DBX2: variants seen among roughly 807,000 people sequenced by gnomAD.
DBX2 encodes homeobox protein DBX2.
In DBX2, 16 loss-of-function variants were observed where a neutral mutation model predicts 17.7. That is an observed-to-expected ratio of 0.90 (90% CI 0.61 to 1.37). The LOEUF (loss-of-function observed/expected upper bound fraction) is 1.37, where lower values mean the gene tolerates loss of function less well. Ranked by LOEUF, DBX2 falls within the 40% of genes most tolerant of loss-of-function variation. The pLI is 0.00. For synonymous variants in DBX2, 255 were observed against 183.8 expected (o/e 1.39, Z -3.13); for missense variants, 538 against 433.8 (o/e 1.24, Z -2.13).
chr12:45,020,001 A>G (rs1271886534), intron 3 of DBX2, among the ~76,000 whole-genome samples: 1 of 152,212 alleles, frequency 6.6e-6, no homozygotes, highest in Admixed American at 6.5e-5. Context: ...TTCTATTTAC[A>G]TAAATTACTG....
intron 1 of DBX2, among the ~76,000 whole-genome samples, chr12:45,042,169 A>G (rs1183195820): frequency 6.6e-6 from 1 of 152,192 alleles, no homozygotes; most frequent in Non-Finnish European, 1.5e-5. Context: ...AAAAGAACAT[A>G]AAACAACACC....
chr12:45,049,925 A>G (rs1256326778), intron 1 of DBX2, among the ~76,000 whole-genome samples: 1 of 152,148 alleles, frequency 6.6e-6, no homozygotes, highest in Non-Finnish European at 1.5e-5. Context: ...GCTCAGCACA[A>G]ATAAAAAGTC....
In DBX2 at chr12:45,051,097, G is replaced by C; in HGVS notation, c.-170C>G. The C allele has an allele frequency of 2.8e-6, 2 of 717,538 alleles. No homozygotes were observed. The highest frequency in any genetic ancestry group is 3.9e-6 in the Non-Finnish European group (2 of 510,538). The allele number at this position is 717,538 out of a possible 1,614,324, so 44.4% of individuals were successfully genotyped here. On this transcript the variant is annotated 5_prime_UTR_variant, in exon 1 of 4. It adds an upstream start codon to the 5' untranslated region. Transcript: ENST00000332700. The stretch of plus-strand genomic sequence containing the variant: ...CCCGGGACGGCGGCGGACTTGGAAC[G>C]ATATTATTTATTTGCGTTGGGCGTT...
chr12:45,046,004 A>G (rs193001013), intron 1 of DBX2, among the ~76,000 whole-genome samples: 1 of 152,178 alleles, frequency 6.6e-6, no homozygotes, highest in Non-Finnish European at 1.5e-5. Flanking sequence ...TGCCTGCTCC[A>G]TGTACTCCTG....
intron 2 of DBX2, among the ~76,000 whole-genome samples, chr12:45,026,662 G>A (rs1356453799): frequency 6.6e-6 from 1 of 152,132 alleles, no homozygotes; most frequent in Non-Finnish European, 1.5e-5. Flanking sequence ...TTTTCTATTT[G>A]TCTAAAAGAT....
chr12:45,042,890 C>T (rs1404224279), intron 1 of DBX2, among the ~76,000 whole-genome samples: 1 of 152,154 alleles, frequency 6.6e-6, no homozygotes, highest in Admixed American at 6.6e-5. Flanking sequence ...GTTAGTTCAC[C>T]ATGACCATCA....
chr12:45,038,763 G>T (rs1371011819), intron 1 of DBX2, among the ~76,000 whole-genome samples: 1 of 151,822 alleles, frequency 6.6e-6, no homozygotes, highest in Non-Finnish European at 1.5e-5. Flanking sequence ...TAAATTCTTA[G>T]TGATAAATGT....
chr12:45,027,392 A>G (rs946408204), intron 2 of DBX2, among the ~76,000 whole-genome samples: 1 of 152,240 alleles, frequency 6.6e-6, no homozygotes, highest in Non-Finnish European at 1.5e-5. Flanking sequence ...CTGAATTCAA[A>G]TTAGTGGCTC....
intron 1 of DBX2, among the ~76,000 whole-genome samples, chr12:45,043,610 A>G (rs898952540): frequency 1.3e-5 from 2 of 152,204 alleles, no homozygotes; most frequent in South Asian, 4.1e-4. Flanking sequence ...TTGGACATCC[A>G]GCTCAGTCAA....
At chr12:45,049,620 T>C (rs141233395) in intron 1 of DBX2, among the ~76,000 whole-genome samples, 116 of 149,164 alleles carry the variant, frequency 7.8e-4, no homozygotes, top group African/African-American at 2.7e-3. Flanking sequence ...GACAAACCCA[T>C]CGGGATTAAA....
At chr12:45,030,574 T>C (rs1946404187) in intron 2 of DBX2, among the ~76,000 whole-genome samples, 1 of 152,234 alleles carries the variant, frequency 6.6e-6, no homozygotes, top group Non-Finnish European at 1.5e-5. Context: ...CTTCTCTCTG[T>C]TTCCTGTTCT....
At chr12:45,021,956 A>G (rs1946354530) in intron 3 of DBX2, among the ~76,000 whole-genome samples, 1 of 141,700 alleles carries the variant, frequency 7.1e-6, no homozygotes, top group Non-Finnish European at 1.5e-5. Context: ...GTATTTATCA[A>G]TACTCCCTGT....
chr12:45,015,813 T>C lies in DBX2; in HGVS notation c.*473A>G, dbSNP rs927112876. ...AAAATAGAGAATTTTTAAAAACATG[T>C]TTTTGGGGTATGAAAGTTTGCACTA... On this transcript the variant is annotated 3_prime_UTR_variant, in exon 4 of 4. Coordinates refer to ENST00000332700, the MANE Select transcript of DBX2 (RefSeq NM_001004329.3). 6.6e-6 allele frequency: 1 copy of C among 152,266 alleles called. No individual in the cohort carries two copies. Among genetic ancestry groups the C allele is most frequent in the Admixed American group, 6.5e-5 (1 of 15,280 alleles). 9.4% of individuals were successfully genotyped at this position (152,266 alleles called of 1,614,324 possible).
chr12:45,046,757 C>G (rs1476840437), intron 1 of DBX2, among the ~76,000 whole-genome samples: 1 of 152,058 alleles, frequency 6.6e-6, no homozygotes, highest in Non-Finnish European at 1.5e-5. Flanking sequence ...GATTGGGAGA[C>G]AGACAAGAAA....
chr12:45,029,085 T>C (rs1217034976), intron 2 of DBX2, among the ~76,000 whole-genome samples: 2 of 152,170 alleles, frequency 1.3e-5, no homozygotes, highest in African/African-American at 4.8e-5. Flanking sequence ...AAATTTTATG[T>C]CTCCAAAACA....
rs1051803342 is a variant in DBX2, at chr12:45,031,166, A to C, written c.499+4853T>G. Among the ~76,000 whole-genome samples, 9 of 146,130 alleles carry C rather than the reference A, an allele frequency of 6.2e-5. No individual in the cohort carries two copies. The South Asian group carries it at 1.8e-3, about 29-fold the overall frequency. ...TTTCAGGGGCTTCTCTTTCATGAAG[A>C]GCTTCCTTACCCTTCTTATTTTCAA... On this transcript the variant is annotated intron_variant, in intron 2 of 3. Transcript: ENST00000332700.
rs748866247 is a variant in DBX2, at chr12:45,016,252, G to A, written c.*34C>T. 40 of 1,525,080 alleles carry A rather than the reference G, an allele frequency of 2.6e-5. No homozygotes were observed. Among genetic ancestry groups the A allele is most frequent in the Middle Eastern group, 1.8e-4 (1 of 5,640 alleles). 94.5% of individuals were successfully genotyped at this position (1,525,080 alleles called of 1,614,324 possible). A position where few individuals can be genotyped will look rare whatever the true frequency, so the allele number is the denominator to read the frequency against. On this transcript the variant is annotated 3_prime_UTR_variant, in exon 4 of 4. Coordinates refer to ENST00000332700, the MANE Select transcript of DBX2 (RefSeq NM_001004329.3). ...TAGAGTCCAGATGTTACTATTAAGCGTTCTTTTAAATGAACACGGAGGAAT... is the reference window on the plus strand; with the variant it reads ...TAGAGTCCAGATGTTACTATTAAGCATTCTTTTAAATGAACACGGAGGAAT...
Position 45,050,722 on chromosome 12 carries a change from G to A in DBX2, c.206C>T (p.Ala69Val). The A allele has an allele frequency of 6.7e-7, 1 of 1,491,430 alleles. No individual in the cohort carries two copies. The highest frequency in any genetic ancestry group is 1.3e-5 in the South Asian group (1 of 76,594). The allele number at this position is 1,491,430 out of a possible 1,614,324, so 92.4% of individuals were successfully genotyped here. A position where few individuals can be genotyped will look rare whatever the true frequency, so the allele number is the denominator to read the frequency against. The change falls in exon 1 of 4, where the codon GCG becomes GTG. Residue 69 changes from alanine to valine, a missense_variant. Coordinates refer to ENST00000332700, the MANE Select transcript of DBX2 (RefSeq NM_001004329.3). ...PHDPATALAT[A>V]GAQLRPLPAS... ...AGGCAGGGGCCGGAGCTGCGCGCCC[G>A]CGGTGGCCAGGGCGGTCGCCGGGTC...
At chr12:45,045,227 T>A (rs527374594) in intron 1 of DBX2, among the ~76,000 whole-genome samples, 1 of 152,274 alleles carries the variant, frequency 6.6e-6, no homozygotes, top group Admixed American at 6.5e-5. Context: ...TCATTGTATA[T>A]ATAAAGAAAA....
Sources: gnomAD v4.1 joint callset for allele counts (sites outside exome capture counted in the v4.1 genomes callset) on GRCh38, gnomAD v4.1.1 for gene constraint, MANE v1.5 for transcripts, NCBI Gene and HGNC (gene_info 2026-07-23, HGNC 2026-07-21) for gene names.